The following MTUS2 variants were observed in gnomAD, a reference collection of about 807,000 sequenced individuals.
MTUS2 encodes microtubule associated scaffold protein 2, also known as microtubule-associated tumor suppressor candidate 2.
A neutral mutation model predicts 114.1 loss-of-function variants in MTUS2; 40 were observed. The ratio of observed to expected loss-of-function variants is 0.35; its 90% CI spans 0.27 to 0.46. MTUS2 has a LOEUF of 0.46. Ranked by LOEUF, MTUS2 falls within the 20% of genes least tolerant of loss-of-function variation. MTUS2 has a pLI of 1.00. For synonymous variants in MTUS2, 688 were observed against 672.0 expected (o/e 1.02, Z -0.37); for missense variants, 1,679 against 1,705.4 (o/e 0.98, Z 0.27).
In MTUS2 at chr13:28,858,847, G is replaced by A. The variant is rs1188240549; in HGVS notation, c.-243+18997G>A. 3.9e-5 allele frequency among the ~76,000 whole-genome samples: 6 copies of A among 152,238 alleles called. No homozygotes were observed. The East Asian group carries it at 9.7e-4, about 25-fold the overall frequency. ...GGTGGGGATGAAGTTCAGATAAGGGGTGAGCTTTGCCAGATGAGGAAACGG... is the reference window on the plus strand; with the variant it reads ...GGTGGGGATGAAGTTCAGATAAGGGATGAGCTTTGCCAGATGAGGAAACGG... On this transcript the variant is annotated intron_variant, in intron 2 of 15. Transcript: ENST00000612955.
chr13:28,863,732 C>G (rs1204833645), intron 2 of MTUS2, among the ~76,000 whole-genome samples: 1 of 152,174 alleles, frequency 6.6e-6, no homozygotes, highest in East Asian at 1.9e-4. Context: ...GGATCTCACT[C>G]TGTCACCCAG....
At chr13:28,861,533 A>T (rs951384601) in intron 2 of MTUS2, among the ~76,000 whole-genome samples, 2 of 151,928 alleles carry the variant, frequency 1.3e-5, no homozygotes, top group African/African-American at 4.8e-5. Context: ...GTGAATAAAG[A>T]AGCAAAATGC....
chr13:29,349,004 C>T (rs7358917), intron 7 of MTUS2, among the ~76,000 whole-genome samples: 29,581 of 151,962 alleles, frequency 0.19, 2,995 homozygotes, highest in Middle Eastern at 0.23. Context: ...CTGAAATCTC[C>T]GGCTTTCATA....
intron 5 of MTUS2, among the ~76,000 whole-genome samples, chr13:29,141,580 T>G (rs1290557112): frequency 2.0e-5 from 3 of 152,146 alleles, no homozygotes; most frequent in Non-Finnish European, 4.4e-5. Flanking sequence ...ACTAATTTAG[T>G]CTTCCTAACC....
intron 2 of MTUS2, among the ~76,000 whole-genome samples, chr13:28,979,258 A>T (rs1884252334): frequency 6.6e-6 from 1 of 152,162 alleles, no homozygotes; most frequent in South Asian, 2.1e-4. Context: ...TCCATGGCCA[A>T]ATTGTTATTG....
chr13:29,169,210 T>C (rs1012374440), intron 5 of MTUS2, among the ~76,000 whole-genome samples: 5 of 152,134 alleles, frequency 3.3e-5, no homozygotes, highest in Non-Finnish European at 7.3e-5. Flanking sequence ...TTTATAAAAG[T>C]GAGATTTAGT....
intron 7 of MTUS2, among the ~76,000 whole-genome samples, chr13:29,348,855 T>C (rs1868973814): frequency 6.6e-6 from 1 of 152,238 alleles, no homozygotes; most frequent in Admixed American, 6.5e-5. Context: ...TTTTCATTGT[T>C]AATAGAGCCA....
rs1368925464 is a variant in MTUS2 at position 29,194,384 on chromosome 13, A to C, written c.2645-87320A>C. Among the ~76,000 whole-genome samples the C allele has an allele frequency of 2.3e-3, 340 of 150,490 alleles. 1 individual carries two copies. The highest frequency in any genetic ancestry group is 7.3e-3 in the African/African-American group (301 of 41,382). On this transcript the variant is annotated intron_variant, in intron 5 of 15. Transcript: ENST00000612955. ...AATATCCAGAATCTACAATGAACTC[A>C]AACAAATTTACAAGAAAAAAACAAA...
intron 5 of MTUS2, among the ~76,000 whole-genome samples, chr13:29,257,357 T>A (rs930867488): frequency 2.2e-4 from 33 of 152,334 alleles, no homozygotes; most frequent in Admixed American, 2.0e-3. Flanking sequence ...CAGAGCAAGA[T>A]GTCATCACCA....
intron 2 of MTUS2, among the ~76,000 whole-genome samples, chr13:29,000,601 G>C (rs1036225439): frequency 6.6e-6 from 1 of 152,080 alleles, no homozygotes; most frequent in African/African-American, 2.4e-5. Context: ...CCTGACCTCA[G>C]GTGATCCACC....
chr13:28,984,741 T>C lies in MTUS2; in HGVS notation c.-242-39716T>C, dbSNP rs1006088732. ...TGAATTTGCGCTTCAGGTTTTAAGATTGTGCCTGTGTTGTATATAACATGA... is the reference window on the plus strand; with the variant it reads ...TGAATTTGCGCTTCAGGTTTTAAGACTGTGCCTGTGTTGTATATAACATGA... On this transcript the variant is annotated intron_variant, in intron 2 of 15. Transcript: ENST00000612955. Among the ~76,000 whole-genome samples the C allele has an allele frequency of 2.0e-5, 3 of 152,360 alleles. No individual in the cohort carries two copies. The East Asian group carries it at 5.8e-4, about 29-fold the overall frequency.
chr13:29,214,286 A>G (rs1394389975), intron 5 of MTUS2, among the ~76,000 whole-genome samples: 1 of 151,822 alleles, frequency 6.6e-6, no homozygotes, highest in Non-Finnish European at 1.5e-5. Flanking sequence ...AATACAGCAC[A>G]CCGATGGGTC....
Position 29,025,397 on chromosome 13 carries a change from C to CA in MTUS2, c.700dup (p.Ser234LysfsTer12), listed in dbSNP as rs1199570331. The CA allele has an allele frequency of 6.2e-7, 1 of 1,613,932 alleles. No individual in the cohort carries two copies. Among genetic ancestry groups the CA allele is most frequent in the South Asian group, 1.1e-5 (1 of 91,068 alleles). The stretch of plus-strand genomic sequence containing the variant: ...TCCCGGCAGCTTTCCCTGCAACTGA[C>CA]AGTACCTCAGAGGGAAAGAGTGTGC... On this transcript the variant is annotated frameshift_variant, in exon 3 of 16. Transcript: ENST00000612955. LOFTEE classifies it high-confidence loss of function.
chr13:29,268,406 C>T (rs953860690), intron 5 of MTUS2, among the ~76,000 whole-genome samples: 10 of 152,144 alleles, frequency 6.6e-5, no homozygotes, highest in African/African-American at 2.2e-4. Context: ...CAATGACTCC[C>T]GTTTTACTCT....
chr13:29,359,558 G>A, intron 8 of MTUS2, 85 bp downstream of exon 8: 1 of 1,451,534 alleles, frequency 6.9e-7, no homozygotes, highest in Non-Finnish European at 9.3e-7. Context: ...GTATGTTGCT[G>A]TTTTGGGTTT....
At chr13:29,001,042 GC>G (rs916742136) in intron 2 of MTUS2, among the ~76,000 whole-genome samples, 7 of 152,144 alleles carry the variant, frequency 4.6e-5, no homozygotes, top group African/African-American at 1.7e-4. Flanking sequence ...GCCAGCCCTT[GC>G]CCATATGCAC....
intron 2 of MTUS2, among the ~76,000 whole-genome samples, chr13:28,916,221 C>T (rs1374200622): frequency 6.6e-6 from 1 of 151,722 alleles, no homozygotes; most frequent in Non-Finnish European, 1.5e-5. Context: ...AATTTTAAGT[C>T]GGGCAAAGTA....
chr13:29,355,874 C>T (rs143237346), intron 7 of MTUS2, among the ~76,000 whole-genome samples: 1,907 of 152,252 alleles, frequency 0.013, 10 homozygotes, highest in Non-Finnish European at 0.02. Flanking sequence ...ACTCTATTTT[C>T]CCTTCATTTA....
intron 5 of MTUS2, among the ~76,000 whole-genome samples, chr13:29,270,145 C>A (rs1897825841): frequency 6.6e-6 from 1 of 152,018 alleles, no homozygotes; most frequent in African/African-American, 2.4e-5. Flanking sequence ...CAGGTTTATG[C>A]CTCGAGTTAA....
Sources: allele counts gnomAD v4.1 joint callset (sites outside exome capture counted in the v4.1 genomes callset), GRCh38; gene constraint gnomAD v4.1.1; transcripts MANE v1.5; gene names NCBI Gene and HGNC (gene_info 2026-07-23, HGNC 2026-07-21).